CCSER1: variants seen among roughly 807,000 people sequenced by gnomAD.
CCSER1 encodes coiled-coil serine rich protein 1, also known as serine-rich coiled-coil domain-containing protein 1.
A neutral mutation model predicts 82.0 loss-of-function variants in CCSER1; 41 were observed. The ratio of observed to expected loss-of-function variants is 0.50; its 90% CI spans 0.39 to 0.65. The LOEUF (loss-of-function observed/expected upper bound fraction) is 0.65. Ranked by LOEUF, CCSER1 falls within the 30% of genes least tolerant of loss-of-function variation. The probability of loss-of-function intolerance (pLI) is 0.00; values close to 1 mark genes in which losing one functional copy is unlikely to be tolerated. For missense variants in CCSER1, 1,119 were observed against 1,064.2 expected (o/e 1.05, Z -0.72); for synonymous variants, 414 against 383.9 (o/e 1.08, Z -0.92).
In CCSER1 at chr4:90,647,894, C is replaced by T. The variant is rs962085061; in HGVS notation, c.1932+19662C>T. Among the ~76,000 whole-genome samples, 13 of 151,960 alleles carry T rather than the reference C, an allele frequency of 8.6e-5. No homozygotes were observed. The East Asian group carries it at 1.3e-3, about 16-fold the overall frequency. ...AATAACAATTGGTATTTGGCTTATA[C>T]GTTATGTGAAAAACAGCAACAACAA... On this transcript the variant is annotated intron_variant, in intron 6 of 10. Transcript: ENST00000509176.
chr4:91,111,895 G>A (rs557928363), intron 10 of CCSER1, among the ~76,000 whole-genome samples: 7 of 149,054 alleles, frequency 4.7e-5, no homozygotes, highest in Non-Finnish European at 8.9e-5. Context: ...AAATTTAATA[G>A]GGTAAATGGA....
In CCSER1 at chr4:90,308,169, C is replaced by G. The variant is rs183209266; in HGVS notation, c.-41-75C>G. 756 of 1,112,886 alleles carry G rather than the reference C, an allele frequency of 6.8e-4. 3 individuals are homozygous for G. The African/African-American group carries it at 0.01, about 15-fold the overall frequency. 68.9% of individuals were successfully genotyped at this position (1,112,886 alleles called of 1,614,324 possible). On this transcript the variant is annotated intron_variant, in intron 1 of 10. Transcript: ENST00000509176. Reference sequence around the variant, plus strand: ...AAATTCTATTTTGTGTCTCGAAAAGCAATATTTTGTTTTAAAATGTATTAT... The same window carrying G: ...AAATTCTATTTTGTGTCTCGAAAAGGAATATTTTGTTTTAAAATGTATTAT...
rs193065321 is a variant in CCSER1 at position 90,757,428 on chromosome 4, A to T, written c.2010+33437A>T. ...TATATCTCTCAATCTTCTGATTTAT[A>T]AGGTCAGATAAACAACTTAATTTCA... On this transcript the variant is annotated intron_variant, in intron 7 of 10. Transcript: ENST00000509176. Among the ~76,000 whole-genome samples the T allele has an allele frequency of 4.0e-3, 615 of 152,326 alleles. 6 individuals are homozygous for T. The highest frequency in any genetic ancestry group is 0.014 in the African/African-American group (589 of 41,568).
intron 6 of CCSER1, among the ~76,000 whole-genome samples, chr4:90,655,879 A>G (rs527748853): frequency 1.3e-5 from 2 of 152,076 alleles, no homozygotes; most frequent in East Asian, 3.9e-4. Flanking sequence ...CCCTAAATTC[A>G]TGAAAATCAA....
intron 1 of CCSER1, among the ~76,000 whole-genome samples, chr4:90,161,620 TTAGA>T (rs1330878778): frequency 2.6e-5 from 4 of 152,228 alleles, no homozygotes; most frequent in Middle Eastern, 3.4e-3. Context: ...GTGAATTGAA[TTAGA>T]TAGTATATAT....
intron 6 of CCSER1, among the ~76,000 whole-genome samples, chr4:90,687,936 GC>G (rs1168817699): frequency 2.0e-5 from 3 of 151,650 alleles, no homozygotes; most frequent in African/African-American, 7.3e-5. Context: ...TAACTCTGTA[GC>G]CTGTCCTCAT....
intron 1 of CCSER1, among the ~76,000 whole-genome samples, chr4:90,225,713 C>T (rs377193983): frequency 2.6e-5 from 4 of 152,114 alleles, no homozygotes; most frequent in African/African-American, 9.7e-5. Context: ...CTGTCTGGGC[C>T]ATCTCTACTT....
chr4:90,508,798 G>T (rs1005045710), intron 5 of CCSER1, among the ~76,000 whole-genome samples: 3 of 151,814 alleles, frequency 2.0e-5, no homozygotes, highest in African/African-American at 7.3e-5. Flanking sequence ...ACATAATGCT[G>T]ATTTTAACAT....
At chr4:90,534,472 TG>T (rs1775046442) in intron 5 of CCSER1, among the ~76,000 whole-genome samples, 2 of 151,354 alleles carry the variant, frequency 1.3e-5, no homozygotes, top group Admixed American at 1.3e-4. Flanking sequence ...TGTGTGTGTG[TG>T]TGTGTGTGTG....
intron 7 of CCSER1, among the ~76,000 whole-genome samples, chr4:90,804,730 A>G (rs17187179): frequency 0.19 from 29,559 of 152,196 alleles, 3,559 homozygotes; most frequent in South Asian, 0.29. Context: ...AATTCCAAAT[A>G]CAGGCAAAAT....
At chr4:90,215,663 A>G (rs746296404) in intron 1 of CCSER1, among the ~76,000 whole-genome samples, 6 of 152,216 alleles carry the variant, frequency 3.9e-5, no homozygotes, top group Non-Finnish European at 8.8e-5. Context: ...AATGTGGGTC[A>G]AAGTATCTGC....
intron 1 of CCSER1, among the ~76,000 whole-genome samples, chr4:90,243,909 C>G (rs1168373072): frequency 1.3e-5 from 2 of 151,122 alleles, no homozygotes; most frequent in Non-Finnish European, 2.9e-5. Flanking sequence ...GTACACATAA[C>G]AAAAATTAAG....
chr4:90,845,265 G>A (rs568775525), intron 8 of CCSER1, among the ~76,000 whole-genome samples: 1 of 147,340 alleles, frequency 6.8e-6, no homozygotes, highest in East Asian at 2.0e-4. Flanking sequence ...GGGCGGCTAA[G>A]ACAGAAAAAT....
intron 8 of CCSER1, among the ~76,000 whole-genome samples, chr4:90,834,041 C>G (rs573871028): frequency 1.4e-4 from 22 of 152,282 alleles, no homozygotes; most frequent in Admixed American, 1.1e-3. Flanking sequence ...GCTACATAAA[C>G]TTCCTTATGA....
At chr4:90,825,953 G>C (rs1278371692) in intron 8 of CCSER1, among the ~76,000 whole-genome samples, 1 of 152,024 alleles carries the variant, frequency 6.6e-6, no homozygotes, top group South Asian at 2.1e-4. Context: ...TCCTCCCAAA[G>C]TGCTGGGATT....
At chr4:90,663,143 A>C (rs12505430) in intron 6 of CCSER1, among the ~76,000 whole-genome samples, 1 of 151,912 alleles carries the variant, frequency 6.6e-6, no homozygotes, top group Non-Finnish European at 1.5e-5. Context: ...TAGTAAAATA[A>C]TGGTTTACTG....
intron 5 of CCSER1, among the ~76,000 whole-genome samples, chr4:90,513,387 A>G (rs940892739): frequency 1.2e-4 from 18 of 152,220 alleles, no homozygotes; most frequent in African/African-American, 4.3e-4. Flanking sequence ...TCTTCAAGGT[A>G]GAAAAATTAT....
intron 9 of CCSER1, among the ~76,000 whole-genome samples, chr4:90,960,662 A>G (rs946521163): frequency 1.3e-4 from 20 of 152,156 alleles, no homozygotes; most frequent in Non-Finnish European, 7.4e-5. Flanking sequence ...CATTTTCGGT[A>G]TGAAAGCTAC....
intron 4 of CCSER1, among the ~76,000 whole-genome samples, chr4:90,402,442 T>C (rs1753011267): frequency 6.6e-6 from 1 of 152,202 alleles, no homozygotes; most frequent in African/African-American, 2.4e-5. Context: ...ATAAATGTGG[T>C]GGTACCAATA....
Sources: allele counts gnomAD v4.1 joint callset (sites outside exome capture counted in the v4.1 genomes callset), GRCh38; gene constraint gnomAD v4.1.1; transcripts MANE v1.5; gene names NCBI Gene and HGNC (gene_info 2026-07-23, HGNC 2026-07-21).